The following ARPC2 variants were observed in gnomAD, a reference collection of about 807,000 sequenced individuals.
ARPC2 encodes the protein actin related protein 2/3 complex subunit 2.
In ARPC2, 4 loss-of-function variants were observed where a neutral mutation model predicts 38.6. The observed-to-expected ratio is 0.10, with a 90% CI of 0.05 to 0.24. ARPC2 has a LOEUF of 0.24. ARPC2 is among the 10% of genes least tolerant of loss of function. The pLI is 1.00. For missense variants in ARPC2, 229 were observed against 387.3 expected, an observed-to-expected ratio of 0.59 and a Z score of 3.43; for synonymous variants, 125 against 140.8, an observed-to-expected ratio of 0.89 and a Z score of 0.79.
At chr2:218,242,910 T>C (rs531988423) in intron 7 of ARPC2, among the ~76,000 whole-genome samples, 81 of 152,362 alleles carry the variant, frequency 5.3e-4, no homozygotes, top group Middle Eastern at 3.4e-3. Context: ...CAGTTTGTCA[T>C]TGGACCGTGT....
At position 218,243,149 on chromosome 2, in the gene ARPC2, T is replaced by C. The variant is rs1168958031; in HGVS notation, c.550-2271T>C. The stretch of plus-strand genomic sequence containing the variant: ...CCTCTTGTTGTATGGTATGAAAGAA[T>C]GATCTTTTTTTCCTAAATGGCTATC... On this transcript the variant is annotated intron_variant, in intron 7 of 10. Transcript: ENST00000315717. 3.3e-5 allele frequency among the ~76,000 whole-genome samples: 5 copies of C among 152,264 alleles called. No individual in the cohort carries two copies. In the South Asian group the frequency reaches 6.2e-4, roughly 19 times the overall value.
intron 5 of ARPC2, chr2:218,235,014 G>A: frequency 8.5e-6 from 3 of 354,448 alleles, no homozygotes; most frequent in South Asian, 4.3e-5. Context: ...AAATTCTGAG[G>A]CATTTAGCAG....
At chr2:218,240,286 G>A (rs1045958587) in intron 7 of ARPC2, among the ~76,000 whole-genome samples, 1 of 152,122 alleles carries the variant, frequency 6.6e-6, no homozygotes, top group African/African-American at 2.4e-5. Flanking sequence ...TAGTTTTGCA[G>A]GACAGAACTA....
intron 2 of ARPC2, among the ~76,000 whole-genome samples, chr2:218,225,627 A>G (rs1464161656): frequency 6.6e-6 from 1 of 152,242 alleles, no homozygotes; most frequent in African/African-American, 2.4e-5. Context: ...TTGTTAGGAA[A>G]TTCAGAATTG....
chr2:218,239,678 C>T (rs1689862947), intron 7 of ARPC2, 194 bp downstream of exon 7: 1 of 514,850 alleles, frequency 1.9e-6, no homozygotes, highest in Admixed American at 3.5e-5. Context: ...ACTGCAACCT[C>T]CGCCTCCCAG....
chr2:218,245,564 G>A lies in ARPC2; in HGVS notation c.676+18G>A, dbSNP rs760822224. 4 of 1,613,646 alleles carry A rather than the reference G, an allele frequency of 2.5e-6. No homozygotes were observed. The Admixed American group carries it at 5.0e-5, about 20-fold the overall frequency. ...TACCTTTGGTGAGCAGGGTGCACTTGCTGCTTTTGTGCCGCTTTAATGAGT... is the reference window on the plus strand; with the variant it reads ...TACCTTTGGTGAGCAGGGTGCACTTACTGCTTTTGTGCCGCTTTAATGAGT... On this transcript the variant is annotated intron_variant, in intron 8 of 10. Transcript: ENST00000315717.
chr2:218,251,047 G>C (rs553295431), intron 10 of ARPC2, among the ~76,000 whole-genome samples: 79 of 152,058 alleles, frequency 5.2e-4, no homozygotes, highest in African/African-American at 1.9e-3. Context: ...TGTTGCCCAG[G>C]CTGGTCTAGA....
chr2:218,228,155 A>C (rs1379453076), intron 3 of ARPC2, among the ~76,000 whole-genome samples: 1 of 152,146 alleles, frequency 6.6e-6, no homozygotes. Context: ...CTGTAATCCC[A>C]GCACTTTGGG....
At chr2:218,234,272 A>G in intron 4 of ARPC2, 80 bp from the exon 5 acceptor site, 1 of 1,099,402 alleles carries the variant, frequency 9.1e-7, no homozygotes, top group Non-Finnish European at 1.3e-6. Context: ...GAGCTTGGCA[A>G]GTGCAGTACT....
At chr2:218,222,119 T>C (rs1374321137) in intron 2 of ARPC2, among the ~76,000 whole-genome samples, 1 of 151,966 alleles carries the variant, frequency 6.6e-6, no homozygotes, top group Non-Finnish European at 1.5e-5. Context: ...ATACAAAAAT[T>C]AGCCAGGTGT....
intron 4 of ARPC2, 87 bp from the exon 5 acceptor site, chr2:218,234,265 C>A: frequency 1.9e-6 from 2 of 1,030,594 alleles, no homozygotes; most frequent in South Asian, 1.5e-5. Context: ...TTAGGAAGAG[C>A]TTGGCAAGTG....
At position 218,217,516 on chromosome 2, in the gene ARPC2, G is replaced by A. The variant is rs748804018; in HGVS notation, c.46G>A (p.Ala16Thr). 1.7e-5 allele frequency: 27 copies of A among 1,613,746 alleles called. No homozygotes were observed. The highest frequency in any genetic ancestry group is 2.1e-5 in the Non-Finnish European group (25 of 1,179,848). Residue 16 changes from alanine (A) to threonine (T), a missense_variant, in exon 2 of 11, where the codon GCG (alanine) becomes ACG (threonine). Coordinates refer to ENST00000315717, the MANE Select transcript of ARPC2 (RefSeq NM_152862.3). ...CAACCGCATCATCGAGGAGACGCTCGCGCTCAAGTTCGAGAACGCGGCCGC... is the reference window on the plus strand; with the variant it reads ...CAACCGCATCATCGAGGAGACGCTCACGCTCAAGTTCGAGAACGCGGCCGC... ...VNNRIIEETLALKFENAAAGN... is the reference protein window; with the variant it reads ...VNNRIIEETLTLKFENAAAGN...
At chr2:218,226,921 C>T (rs970895425) in intron 3 of ARPC2, 1 of 446,398 alleles carries the variant, frequency 2.2e-6, no homozygotes, top group Non-Finnish European at 4.5e-6. Context: ...GAGATGTGTT[C>T]ATCAAGTCAG....
chr2:218,243,684 G>T (rs1270268531), intron 7 of ARPC2, among the ~76,000 whole-genome samples: 3 of 152,174 alleles, frequency 2.0e-5, no homozygotes, highest in Non-Finnish European at 2.9e-5. Flanking sequence ...GCTGACACAT[G>T]AAAATCACTT....
At chr2:218,224,923 C>G (rs1194619183) in intron 2 of ARPC2, among the ~76,000 whole-genome samples, 1 of 152,132 alleles carries the variant, frequency 6.6e-6, no homozygotes, top group Non-Finnish European at 1.5e-5. Flanking sequence ...GAGCAGAGAT[C>G]GTGGAAAGAT....
intron 7 of ARPC2, 161 bp downstream of exon 7, chr2:218,239,645 G>A: frequency 1.7e-6 from 1 of 596,014 alleles, no homozygotes; most frequent in South Asian, 2.1e-5. Flanking sequence ...CCAGGCTGGA[G>A]TGCAATGGAG....
intron 9 of ARPC2, 46 bp downstream of exon 9, chr2:218,249,510 C>T: frequency 7.1e-7 from 1 of 1,414,724 alleles, no homozygotes; most frequent in Non-Finnish European, 9.8e-7. Flanking sequence ...TGGGTCTTTT[C>T]CTCCACCAGA....
intron 2 of ARPC2, among the ~76,000 whole-genome samples, chr2:218,224,103 T>C (rs911602591): frequency 1.1e-4 from 16 of 152,304 alleles, no homozygotes; most frequent in Non-Finnish European, 2.2e-4. Flanking sequence ...TTGACAAATA[T>C]TGCTAAGTCA....
chr2:218,251,027 G>A (rs766903559), intron 10 of ARPC2, among the ~76,000 whole-genome samples: 1 of 151,724 alleles, frequency 6.6e-6, no homozygotes, highest in African/African-American at 2.4e-5. Context: ...GTAGAGATGG[G>A]GTTTCACCAT....
Sources: allele counts gnomAD v4.1 joint callset (sites outside exome capture counted in the v4.1 genomes callset), GRCh38; gene constraint gnomAD v4.1.1; transcripts MANE v1.5; gene names NCBI Gene and HGNC (gene_info 2026-07-23, HGNC 2026-07-21).